HSPA9: variants seen among roughly 807,000 people sequenced by gnomAD.
HSPA9 encodes heat shock protein family A (Hsp70) member 9.
Under a neutral mutation model 81.5 loss-of-function variants are expected in HSPA9, and 28 were observed. That is an observed-to-expected ratio of 0.34 (90% CI 0.25 to 0.47). The LOEUF is 0.47. Ranked by LOEUF, HSPA9 falls within the 20% of genes least tolerant of loss-of-function variation. HSPA9 has a pLI of 1.00. For synonymous variants in HSPA9, 293 were observed against 290.4 expected, an observed-to-expected ratio of 1.01 and a Z score of -0.09; for missense variants, 678 against 838.0, an observed-to-expected ratio of 0.81 and a Z score of 2.36.
intron 11 of HSPA9, chr5:138,559,137 A>G (rs1351768224): frequency 4.8e-6 from 1 of 206,404 alleles, no homozygotes; most frequent in Admixed American, 5.3e-5. Context: ...ACCTCACTTC[A>G]TACTGTCGCC....
chr5:138,556,627 A>T, intron 15 of HSPA9, 35 bp from the exon 16 acceptor site: 3 of 1,611,548 alleles, frequency 1.9e-6, no homozygotes, highest in Non-Finnish European at 2.5e-6. Flanking sequence ...TTACTTTTCC[A>T]GGTCTCCTGT....
intron 10 of HSPA9, 79 bp from the exon 11 acceptor site, chr5:138,560,170 C>T (rs949249910): frequency 2.0e-5 from 19 of 948,724 alleles, no homozygotes; most frequent in African/African-American, 8.1e-5. Context: ...ACGTGTCCTA[C>T]GCTCCCAGCC....
intron 10 of HSPA9, among the ~76,000 whole-genome samples, 178 bp downstream of exon 10, chr5:138,561,402 C>T (rs1202671097): frequency 1.3e-5 from 2 of 152,162 alleles, no homozygotes; most frequent in Non-Finnish European, 2.9e-5. Context: ...AACCACCATG[C>T]CCAGCCTATT....
chr5:138,560,828 G>T, intron 10 of HSPA9: 1 of 425,872 alleles, frequency 2.3e-6, no homozygotes, highest in Non-Finnish European at 4.6e-6. Flanking sequence ...GATTACAGGC[G>T]TAAGCCACTG....
chr5:138,567,301 C>T, intron 7 of HSPA9, 138 bp from the exon 8 acceptor site: 1 of 989,846 alleles, frequency 1.0e-6, no homozygotes, highest in Admixed American at 2.2e-5. Flanking sequence ...TTACCATGGC[C>T]CAAAAGAAAA....
Position 138,555,880 on chromosome 5 carries a change from T to A in HSPA9, c.*157A>T. ...GAATCACTGTCCATTAAATGATCAC[T>A]AGCTAATGGTCACTAAATTTACAAA... On this transcript the variant is annotated 3_prime_UTR_variant, in exon 17 of 17. Transcript: ENST00000297185. 1.5e-6 allele frequency: 1 copy of A among 658,048 alleles called. No homozygotes were observed. The highest frequency in any genetic ancestry group is 2.7e-6 in the Non-Finnish European group (1 of 368,370). 40.8% of individuals were successfully genotyped at this position (658,048 alleles called of 1,614,324 possible).
chr5:138,573,526 C>T (rs747346364), intron 3 of HSPA9, among the ~76,000 whole-genome samples: 6 of 150,274 alleles, frequency 4.0e-5, no homozygotes, highest in Non-Finnish European at 8.9e-5. Context: ...TGGTTCATGC[C>T]TGTAATCCCA....
intron 3 of HSPA9, among the ~76,000 whole-genome samples, chr5:138,571,881 C>T (rs919211819): frequency 6.6e-6 from 1 of 150,862 alleles, no homozygotes; most frequent in Non-Finnish European, 1.5e-5. Context: ...AGGCTGGTCT[C>T]GAACTCCTGA....
chr5:138,567,409 CTT>C (rs1750789902), intron 7 of HSPA9, 44 bp downstream of exon 7: 1 of 1,422,140 alleles, frequency 7.0e-7, no homozygotes, highest in Non-Finnish European at 9.9e-7. Context: ...TTAAGTGACA[CTT>C]TAGTTTCACA....
Position 138,573,782 on chromosome 5 carries a change from A to C in HSPA9, c.209T>G (p.Met70Arg). ...LGTTNSCVAV[M>R]EGKQAKVLEN... ...GCTCACCTTTGCTTGTTTACCTTCC[A>C]TAACTGCCACGCAGGAGTTGGTAGT... Residue 70 changes from methionine (M) to arginine (R), a missense_variant, in exon 3 of 17, where the codon ATG (methionine) becomes AGG (arginine). Transcript: ENST00000297185. The C allele has an allele frequency of 6.2e-7, 1 of 1,611,842 alleles. No homozygotes were observed. Among genetic ancestry groups the C allele is most frequent in the South Asian group, 1.1e-5 (1 of 91,030 alleles).
rs1314457104 is a variant in HSPA9 at position 138,575,262 on chromosome 5, C to G, written c.57G>C (p.Arg19=). 1.2e-6 allele frequency: 2 copies of G among 1,610,136 alleles called. No individual in the cohort carries two copies. The highest frequency in any genetic ancestry group is 2.2e-5 in the South Asian group (2 of 90,472). The stretch of plus-strand genomic sequence containing the variant: ...CCTGGTGGCGGGCGGCCGTAGGGCC[C>G]CGGGAGGCTGCGGCGCCCACGAGAC... The part of the protein sequence containing the change: ...AARLVGAAAS[R]GPTAARHQDS... Residue 19 remains arginine, a synonymous_variant, in exon 1 of 17, where the codon CGG becomes CGC. Transcript: ENST00000297185.
intron 7 of HSPA9, 78 bp from the exon 8 acceptor site, chr5:138,567,241 A>C: frequency 7.9e-7 from 1 of 1,261,936 alleles, no homozygotes; most frequent in Non-Finnish European, 1.1e-6. Context: ...AATTTCAATA[A>C]CCAAATACAG....
chr5:138,561,169 G>C, intron 10 of HSPA9: 1 of 428,076 alleles, frequency 2.3e-6, no homozygotes, highest in Non-Finnish European at 4.9e-6. Context: ...GATGGTGGCC[G>C]GGGGCGGGGT....
At chr5:138,562,081 G>C (rs1481172455) in intron 9 of HSPA9, among the ~76,000 whole-genome samples, 1 of 151,634 alleles carries the variant, frequency 6.6e-6, no homozygotes, top group Non-Finnish European at 1.5e-5. Context: ...TGGGACTACA[G>C]GCATGTGCCA....
intron 4 of HSPA9, among the ~76,000 whole-genome samples, chr5:138,569,896 G>GT (rs11368588): frequency 0.48 from 70,203 of 144,866 alleles, 18,601 homozygotes; most frequent in Non-Finnish European, 0.6. Context: ...TATGCTTCTA[G>GT]TTTTTTTTTT....
At chr5:138,569,970 T>C (rs1486756583) in intron 4 of HSPA9, among the ~76,000 whole-genome samples, 1 of 151,818 alleles carries the variant, frequency 6.6e-6, no homozygotes, top group Non-Finnish European at 1.5e-5. Flanking sequence ...CTCAGCTCAC[T>C]GGAACCTCCG....
chr5:138,570,477 T>A (rs1056852416), intron 4 of HSPA9, among the ~76,000 whole-genome samples: 2 of 152,230 alleles, frequency 1.3e-5, no homozygotes, highest in African/African-American at 4.8e-5. Context: ...AGACCTAATC[T>A]GTAAAGACAA....
chr5:138,559,942 A>G lies in HSPA9; in HGVS notation c.1332T>C (p.Ser444=), dbSNP rs762960848. The part of the protein sequence containing the change: ...DVLLLDVTPL[S]LGIETLGGVF... ...CACCTCCTAGAGTTTCAATACCCAG[A>G]GACAGGGGAGTGACATCAAGGAGCA... Residue 444 remains serine, a synonymous_variant, in exon 11 of 17, where the codon TCT becomes TCC. Transcript: ENST00000297185. The G allele has an allele frequency of 6.2e-7, 1 of 1,613,998 alleles. No individual in the cohort carries two copies. The highest frequency in any genetic ancestry group is 8.5e-7 in the Non-Finnish European group (1 of 1,180,012).
intron 12 of HSPA9, 28 bp downstream of exon 12, chr5:138,558,525 A>C: frequency 7.6e-7 from 1 of 1,316,066 alleles, no homozygotes; most frequent in Non-Finnish European, 1.1e-6. Context: ...TGAAGGAGGC[A>C]TAGTATTCAG....
Sources: allele counts gnomAD v4.1 joint callset (sites outside exome capture counted in the v4.1 genomes callset), GRCh38; gene constraint gnomAD v4.1.1; transcripts MANE v1.5; gene names NCBI Gene and HGNC (gene_info 2026-07-23, HGNC 2026-07-21).